Variants in FAM169A observed in about 807,000 individuals in gnomAD.
FAM169A encodes the protein soluble lamin-associated protein of 75 kDa.
A neutral mutation model predicts 75.7 loss-of-function variants in FAM169A; 24 were observed. That is an observed-to-expected ratio of 0.32 (90% CI 0.23 to 0.45). FAM169A has a LOEUF of 0.45. Among genes scored for constraint, FAM169A ranks in the 20% least tolerant of loss-of-function variants. FAM169A has a pLI of 1.00. For missense variants in FAM169A, 673 were observed against 784.0 expected, an observed-to-expected ratio of 0.86 and a Z score of 1.69; for synonymous variants, 271 against 271.0, an observed-to-expected ratio of 1.00 and a Z score of 0.00.
At chr5:74,846,859 G>A (rs1397705304) in intron 1 of FAM169A, among the ~76,000 whole-genome samples, 2 of 152,112 alleles carry the variant, frequency 1.3e-5, no homozygotes, top group African/African-American at 2.4e-5. Flanking sequence ...GCCACTGTGC[G>A]TGGTCCTAAG....
At chr5:74,818,787 CTCTCTCTCTCTCTCTCTA>C (rs1360711149) in intron 5 of FAM169A, among the ~76,000 whole-genome samples, 2 of 137,254 alleles carry the variant, frequency 1.5e-5, no homozygotes, top group African/African-American at 2.9e-5. Flanking sequence ...CTCTCTCTCT[CTCTCTCTCTCTCTCTCTA>C]TATATATATA....
intron 6 of FAM169A, among the ~76,000 whole-genome samples, chr5:74,807,124 G>T (rs922968489): frequency 3.3e-5 from 5 of 152,108 alleles, no homozygotes; most frequent in African/African-American, 1.2e-4. Context: ...TTACACTGGG[G>T]TTACATTCTG....
chr5:74,802,538 T>C (rs1746644114), intron 8 of FAM169A, among the ~76,000 whole-genome samples: 1 of 152,122 alleles, frequency 6.6e-6, no homozygotes, highest in African/African-American at 2.4e-5. Flanking sequence ...TGGAATGCCC[T>C]AAGAAAATTC....
chr5:74,843,366 T>C (rs1244556593), intron 1 of FAM169A, among the ~76,000 whole-genome samples: 2 of 152,146 alleles, frequency 1.3e-5, no homozygotes, highest in African/African-American at 2.4e-5. Flanking sequence ...GAAAAGTTGA[T>C]TATAAAATTA....
chr5:74,789,555 C>T (rs1272551704), intron 11 of FAM169A, among the ~76,000 whole-genome samples: 3 of 152,212 alleles, frequency 2.0e-5, no homozygotes, highest in Admixed American at 1.3e-4. Flanking sequence ...GAAGGCTCTG[C>T]GACAGGTCCA....
At chr5:74,859,403 C>T (rs1486727789) in intron 1 of FAM169A, among the ~76,000 whole-genome samples, 1 of 146,300 alleles carries the variant, frequency 6.8e-6, no homozygotes, top group Non-Finnish European at 1.5e-5. Context: ...AATTCTCCTG[C>T]CTCAGCCTCC....
chr5:74,851,717 C>T (rs1203399999), intron 1 of FAM169A, among the ~76,000 whole-genome samples: 39 of 152,122 alleles, frequency 2.6e-4, no homozygotes, highest in Admixed American at 2.5e-3. Context: ...ACAACCCAGA[C>T]TACTAAATAC....
chr5:74,833,330 T>C lies in FAM169A; in HGVS notation c.490+1096A>G, dbSNP rs372406548. On this transcript the variant is annotated intron_variant, in intron 5 of 12. Transcript: ENST00000687041. ...CTCTGCAATGCACACTAAATTTCCATTGAAAACTCTTTCTCCTCATGTATA... is the reference window on the plus strand; with the variant it reads ...CTCTGCAATGCACACTAAATTTCCACTGAAAACTCTTTCTCCTCATGTATA... Among the ~76,000 whole-genome samples, 16 of 152,272 alleles carry C rather than the reference T, an allele frequency of 1.1e-4. No individual in the cohort carries two copies. In the East Asian group the frequency reaches 2.7e-3, roughly 26 times the overall value.
intron 6 of FAM169A, 79 bp from the exon 7 acceptor site, chr5:74,805,363 C>T: frequency 7.2e-7 from 1 of 1,387,552 alleles, no homozygotes; most frequent in Non-Finnish European, 1.0e-6. Context: ...AGTAAGCTTC[C>T]CAACTCACTT....
chr5:74,862,809 T>C (rs1750106535), intron 1 of FAM169A, among the ~76,000 whole-genome samples: 1 of 152,184 alleles, frequency 6.6e-6, no homozygotes, highest in Non-Finnish European at 1.5e-5. Context: ...CAACTCGTAT[T>C]TTCAAAAATC....
At chr5:74,814,184 A>C (rs992409300) in intron 5 of FAM169A, among the ~76,000 whole-genome samples, 165 bp from the exon 6 acceptor site, 1 of 152,208 alleles carries the variant, frequency 6.6e-6, no homozygotes, top group Non-Finnish European at 1.5e-5. Context: ...ACTATTAGAC[A>C]TTATAATGTA....
chr5:74,809,364 G>A (rs533524429), intron 6 of FAM169A, among the ~76,000 whole-genome samples: 4 of 151,918 alleles, frequency 2.6e-5, no homozygotes, highest in East Asian at 3.9e-4. Context: ...GGAGGCCGAG[G>A]TGGGCGGATC....
rs56815603 is a variant in FAM169A, at chr5:74,819,993, C to CTTTTT, written c.491-5979_491-5975dup. On this transcript the variant is annotated intron_variant, in intron 5 of 12. Transcript: ENST00000687041. ...GTATTTTTAAAAACTGAATTGTATCCTTTTTTTTTTTTTTTTTTTTGAGGC... is the reference window on the plus strand; with the variant it reads ...GTATTTTTAAAAACTGAATTGTATCCTTTTTTTTTTTTTTTTTTTTTTTTTGAGGC... 2.6e-4 allele frequency among the ~76,000 whole-genome samples: 31 copies of CTTTTT among 119,072 alleles called. 1 individual carries two copies. The highest frequency in any genetic ancestry group is 3.6e-4 in the African/African-American group (11 of 30,574). 78.1% of individuals were successfully genotyped at this position (119,072 alleles called of 152,430 possible). A position where few individuals can be genotyped will look rare whatever the true frequency, so the allele number is the denominator to read the frequency against.
intron 11 of FAM169A, among the ~76,000 whole-genome samples, chr5:74,784,988 G>A (rs1745623524): frequency 6.6e-6 from 1 of 151,016 alleles, no homozygotes; most frequent in African/African-American, 2.4e-5. Flanking sequence ...TGATGAAACA[G>A]GTTACATGAA....
intron 10 of FAM169A, chr5:74,799,723 C>T (rs962229828): frequency 4.9e-5 from 59 of 1,198,792 alleles, no homozygotes; most frequent in Non-Finnish European, 6.4e-5. Context: ...AATCTGAAGA[C>T]GGAGTTCCAG....
intron 12 of FAM169A, 149 bp from the exon 13 acceptor site, chr5:74,782,157 T>C (rs1745445346): frequency 3.2e-6 from 2 of 616,438 alleles, no homozygotes; most frequent in Non-Finnish European, 5.6e-6. Flanking sequence ...TCTGTTCTGC[T>C]ATATGTGTAT....
intron 6 of FAM169A, among the ~76,000 whole-genome samples, chr5:74,813,234 T>C (rs1424487526): frequency 6.6e-6 from 1 of 152,184 alleles, no homozygotes; most frequent in Non-Finnish European, 1.5e-5. Context: ...CTGGAACTGC[T>C]GGCTATGATT....
At chr5:74,808,218 CCTAA>C (rs1746985915) in intron 6 of FAM169A, among the ~76,000 whole-genome samples, 1 of 152,250 alleles carries the variant, frequency 6.6e-6, no homozygotes, top group South Asian at 2.1e-4. Context: ...GTAGAAACAA[CCTAA>C]CTGTCCATCA....
chr5:74,788,496 G>A (rs1035010037), intron 11 of FAM169A, among the ~76,000 whole-genome samples: 3 of 151,892 alleles, frequency 2.0e-5, no homozygotes, highest in African/African-American at 7.3e-5. Flanking sequence ...ACCTGAGGTC[G>A]GGAGTTCGAA....
Sources: gnomAD v4.1 joint callset for allele counts (sites outside exome capture counted in the v4.1 genomes callset) on GRCh38, gnomAD v4.1.1 for gene constraint, MANE v1.5 for transcripts, NCBI Gene and HGNC (gene_info 2026-07-23, HGNC 2026-07-21) for gene names.